The following CEP83 variants were observed in gnomAD, a reference collection of about 807,000 sequenced individuals.
CEP83 encodes centrosomal protein 83, also known as centrosomal protein of 83 kDa.
Under a neutral mutation model 101.9 loss-of-function variants are expected in CEP83, and 70 were observed. The ratio of observed to expected loss-of-function variants is 0.69; its 90% CI spans 0.57 to 0.84. The LOEUF (loss-of-function observed/expected upper bound fraction) is 0.84. CEP83 is among the 40% of genes least tolerant of loss of function. The probability of loss-of-function intolerance (pLI) is 0.00; values close to 1 mark genes in which losing one functional copy is unlikely to be tolerated. For missense variants in CEP83, 715 were observed against 787.2 expected, an observed-to-expected ratio of 0.91 and a Z score of 1.10; for synonymous variants, 264 against 267.9, an observed-to-expected ratio of 0.99 and a Z score of 0.14.
intron 5 of CEP83, 160 bp downstream of exon 5, chr12:94,403,010 G>T: frequency 2.4e-6 from 1 of 417,104 alleles, no homozygotes; most frequent in Non-Finnish European, 4.2e-6. Context: ...GGAGATCAGA[G>T]AGGTAATGGG....
intron 6 of CEP83, among the ~76,000 whole-genome samples, chr12:94,386,454 A>G (rs1298784942): frequency 1.3e-5 from 2 of 152,158 alleles, no homozygotes; most frequent in Non-Finnish European, 2.9e-5. Context: ...TGCTTTTCAA[A>G]TTCTAGTTTC....
intron 2 of CEP83, among the ~76,000 whole-genome samples, chr12:94,420,854 A>G (rs2064683740): frequency 6.6e-6 from 1 of 152,148 alleles, no homozygotes; most frequent in South Asian, 2.1e-4. Flanking sequence ...TATATAGGGG[A>G]TACATGCTTA....
At chr12:94,379,633 G>T (rs1227497141) in intron 6 of CEP83, among the ~76,000 whole-genome samples, 1 of 152,156 alleles carries the variant, frequency 6.6e-6, no homozygotes, top group Non-Finnish European at 1.5e-5. Context: ...TCCAGGGCAG[G>T]TGTTAAAGTC....
At chr12:94,302,205 C>G (rs1484646060), downstream of CEP83, among the ~76,000 whole-genome samples, 1 of 152,214 alleles carries the variant, frequency 6.6e-6, no homozygotes, top group African/African-American at 2.4e-5. Flanking sequence ...CTTCAGCCCT[C>G]TTTGCTGGCC....
the CEP83 span, among the ~76,000 whole-genome samples, chr12:94,300,104 C>T: frequency 9.2e-5 from 14 of 152,160 alleles, no homozygotes; most frequent in Non-Finnish European, 1.5e-4. Flanking sequence ...TACTATGGGC[C>T]AAGCAGTTAG....
the CEP83 span, among the ~76,000 whole-genome samples, chr12:94,267,321 C>G: frequency 6.6e-6 from 1 of 152,198 alleles, no homozygotes; most frequent in Non-Finnish European, 1.5e-5. Context: ...TAATGCTTTA[C>G]ATCTGAACGT....
At chr12:94,388,489 C>T (rs1225580157) in intron 6 of CEP83, among the ~76,000 whole-genome samples, 1 of 152,094 alleles carries the variant, frequency 6.6e-6, no homozygotes, top group African/African-American at 2.4e-5. Context: ...GCACTATGCT[C>T]AGTATCTAGG....
At chr12:94,398,818 A>G (rs2063066396) in intron 6 of CEP83, among the ~76,000 whole-genome samples, 1 of 152,160 alleles carries the variant, frequency 6.6e-6, no homozygotes, top group Non-Finnish European at 1.5e-5. Flanking sequence ...GAAGGAATGC[A>G]TTCCTGGGGG....
At chr12:94,303,624 T>C (rs981561663), downstream of CEP83, 2 of 697,714 alleles carry the variant, frequency 2.9e-6, no homozygotes, top group Non-Finnish European at 2.2e-6. Flanking sequence ...CATGAAGCCT[T>C]GTTAGCAAGA....
chr12:94,377,572 G>T (rs1054869222), intron 7 of CEP83, among the ~76,000 whole-genome samples: 1 of 152,126 alleles, frequency 6.6e-6, no homozygotes, highest in Non-Finnish European at 1.5e-5. Flanking sequence ...CACAATGATA[G>T]CCAAGAAAGT....
intron 11 of CEP83, 144 bp from the exon 12 acceptor site, chr12:94,335,808 G>A: frequency 1.6e-6 from 1 of 628,476 alleles, no homozygotes; most frequent in South Asian, 1.9e-5. Context: ...AAACTAGGTT[G>A]TGTTCACGTA....
intron 2 of CEP83, among the ~76,000 whole-genome samples, chr12:94,416,584 A>G (rs2064292563): frequency 6.7e-6 from 1 of 148,260 alleles, no homozygotes. Flanking sequence ...AAAAAAAAAA[A>G]AACTGTAGTT....
intron 11 of CEP83, among the ~76,000 whole-genome samples, chr12:94,336,593 A>G (rs972414185): frequency 9.2e-5 from 14 of 152,326 alleles, no homozygotes; most frequent in African/African-American, 3.4e-4. Context: ...TAAATGTGTG[A>G]GATGATTGGA....
the CEP83 span, among the ~76,000 whole-genome samples, chr12:94,294,296 A>G: frequency 2.0e-5 from 3 of 152,132 alleles, no homozygotes; most frequent in Non-Finnish European, 4.4e-5. Context: ...CCCCTTGAGG[A>G]CAGAGACACT....
At chr12:94,317,793 TATC>T (rs1489312425) in intron 14 of CEP83, among the ~76,000 whole-genome samples, 3 of 152,214 alleles carry the variant, frequency 2.0e-5, no homozygotes, top group Non-Finnish European at 4.4e-5. Context: ...TTTGTATCAA[TATC>T]ATGCTGTTTT....
intron 12 of CEP83, among the ~76,000 whole-genome samples, chr12:94,333,867 C>A (rs1432753178): frequency 6.6e-6 from 1 of 152,126 alleles, no homozygotes; most frequent in Non-Finnish European, 1.5e-5. Context: ...TCCCCTCCCT[C>A]TTCTTTCCAA....
At position 94,419,216 on chromosome 12, in the gene CEP83, TA is replaced by T. The variant is rs1328732870; in HGVS notation, c.-101-6626del. Among the ~76,000 whole-genome samples the T allele has an allele frequency of 3.9e-5, 6 of 152,146 alleles. No homozygotes were observed. In the East Asian group the frequency reaches 1.2e-3, roughly 29 times the overall value. ...CATATGCCAGCAACAAAATATTTTT[TA>T]TTTTTTTCAATAGTGATATTCTTTA... On this transcript the variant is annotated intron_variant, in intron 2 of 16. Transcript: ENST00000397809.
intron 1 of CEP83, among the ~76,000 whole-genome samples, chr12:94,453,472 T>C (rs933009064): frequency 1.3e-5 from 2 of 152,222 alleles, no homozygotes; most frequent in African/African-American, 4.8e-5. Flanking sequence ...CACATTCTTA[T>C]CTATCCTTAT....
chr12:94,331,769 G>A lies in CEP83; in HGVS notation c.1638C>T (p.Ile546=), dbSNP rs1383807925. The change falls in exon 14 of 17, where the codon ATC becomes ATT. Residue 546 remains isoleucine, a synonymous_variant. Transcript: ENST00000397809. ...LEEKHKLHER[I]TDREEKYNQA... is the part of the protein sequence containing the mutation. ...GATTGTACTTTTCTTCTCTGTCTGT[G>A]ATACGCTCATGAAGCTTATGCTTTT... The A allele has an allele frequency of 3.7e-6, 6 of 1,613,224 alleles. No homozygotes were observed. The highest frequency in any genetic ancestry group is 5.1e-6 in the Non-Finnish European group (6 of 1,179,322).
Sources: allele counts gnomAD v4.1 joint callset (sites outside exome capture counted in the v4.1 genomes callset), GRCh38; gene constraint gnomAD v4.1.1; transcripts MANE v1.5; gene names NCBI Gene and HGNC (gene_info 2026-07-23, HGNC 2026-07-21).